NEGR1: variants seen among roughly 807,000 people sequenced by gnomAD.
NEGR1 encodes the protein IgLON family member 4.
A neutral mutation model predicts 40.9 loss-of-function variants in NEGR1; 10 were observed. That is an observed-to-expected ratio of 0.24 (90% CI 0.15 to 0.42). The LOEUF is 0.42. Among genes scored for constraint, NEGR1 ranks in the 10% least tolerant of loss-of-function variants. The pLI is 1.00. For missense variants in NEGR1, 352 were observed against 438.9 expected (o/e 0.80, Z 1.77); for synonymous variants, 185 against 166.8 (o/e 1.11, Z -0.84).
intron 6 of NEGR1, among the ~76,000 whole-genome samples, chr1:71,491,374 T>C (rs966610024): frequency 9.9e-5 from 15 of 151,962 alleles, no homozygotes; most frequent in Admixed American, 5.9e-4. Flanking sequence ...AAGGGACAAT[T>C]GTACTGAATG....
chr1:72,268,220 A>T (rs1421055343), intron 1 of NEGR1, among the ~76,000 whole-genome samples: 1 of 151,436 alleles, frequency 6.6e-6, no homozygotes. Context: ...GGAGGAAGGC[A>T]GCATAAGAAA....
At chr1:71,478,200 C>T (rs992226067) in intron 6 of NEGR1, among the ~76,000 whole-genome samples, 1 of 151,884 alleles carries the variant, frequency 6.6e-6, no homozygotes, top group Non-Finnish European at 1.5e-5. Flanking sequence ...ACATGTGTAT[C>T]GAATAAAAAT....
intron 6 of NEGR1, among the ~76,000 whole-genome samples, chr1:71,474,595 C>A (rs1418798452): frequency 6.6e-6 from 1 of 150,426 alleles, no homozygotes; most frequent in Non-Finnish European, 1.5e-5. Context: ...CCTATAATCC[C>A]AGCTACTTGG....
intron 1 of NEGR1, among the ~76,000 whole-genome samples, chr1:72,175,992 T>C (rs540017277): frequency 3.5e-4 from 53 of 152,136 alleles, no homozygotes; most frequent in Admixed American, 6.6e-4. Flanking sequence ...GTAAGATACT[T>C]TGCAAGCCTT....
intron 1 of NEGR1, among the ~76,000 whole-genome samples, chr1:72,007,566 GT>G (rs939526754): frequency 7.2e-5 from 11 of 152,086 alleles, no homozygotes; most frequent in African/African-American, 2.7e-4. Context: ...ATGGCCACTA[GT>G]TAAAAAACAC....
intron 2 of NEGR1, among the ~76,000 whole-genome samples, chr1:71,899,034 G>T (rs1244106649): frequency 2.1e-5 from 3 of 140,164 alleles, no homozygotes; most frequent in East Asian, 4.1e-4. Context: ...ATGTGTGTGT[G>T]TGCGTGTGTG....
intron 2 of NEGR1, among the ~76,000 whole-genome samples, chr1:71,886,457 G>C (rs649012): frequency 7.2e-6 from 1 of 139,152 alleles, no homozygotes; most frequent in African/African-American, 2.5e-5. Flanking sequence ...GTTTATGGGG[G>C]AAAAAAAAAA....
chr1:71,923,489 T>C (rs973681015), intron 2 of NEGR1, among the ~76,000 whole-genome samples: 2 of 152,158 alleles, frequency 1.3e-5, no homozygotes, highest in Non-Finnish European at 2.9e-5. Context: ...AGTGTGTATA[T>C]GTGTGAATGT....
At chr1:71,854,813 T>C (rs892551773) in intron 2 of NEGR1, among the ~76,000 whole-genome samples, 208 of 152,126 alleles carry the variant, frequency 1.4e-3, no homozygotes, top group Non-Finnish European at 8.5e-4. Flanking sequence ...AGCATGGGGG[T>C]AACCGTCCCC....
At chr1:71,512,072 TTTAA>T (rs1297844395) in intron 6 of NEGR1, among the ~76,000 whole-genome samples, 2 of 152,214 alleles carry the variant, frequency 1.3e-5, no homozygotes, top group Admixed American at 1.3e-4. Context: ...GAATATCTTG[TTTAA>T]TTAAAGTACT....
At chr1:72,205,204 G>T (rs1281639025) in intron 1 of NEGR1, among the ~76,000 whole-genome samples, 1 of 151,964 alleles carries the variant, frequency 6.6e-6, no homozygotes, top group African/African-American at 2.4e-5. Flanking sequence ...GGGTCAACTT[G>T]TAGTGACTAG....
At chr1:71,539,992 C>T (rs1480139080) in intron 6 of NEGR1, among the ~76,000 whole-genome samples, 4 of 151,640 alleles carry the variant, frequency 2.6e-5, no homozygotes, top group African/African-American at 4.8e-5. Flanking sequence ...TACAACCAAC[C>T]AAAATGTTTA....
At chr1:72,192,936 A>T (rs531964302) in intron 1 of NEGR1, among the ~76,000 whole-genome samples, 1 of 151,750 alleles carries the variant, frequency 6.6e-6, no homozygotes, top group South Asian at 2.1e-4. Flanking sequence ...TCTTTTTCTT[A>T]TTCAGTACAC....
intron 5 of NEGR1, among the ~76,000 whole-genome samples, chr1:71,607,302 A>C (rs1650102270): frequency 6.6e-6 from 1 of 152,238 alleles, no homozygotes; most frequent in Admixed American, 6.5e-5. Context: ...GTGTTTGTAC[A>C]TGCAGTTTCT....
chr1:72,107,002 C>A (rs750382310), intron 1 of NEGR1, among the ~76,000 whole-genome samples: 3 of 151,748 alleles, frequency 2.0e-5, no homozygotes, highest in Non-Finnish European at 4.4e-5. Context: ...TATATAACAT[C>A]TTTGAGAAAC....
intron 2 of NEGR1, among the ~76,000 whole-genome samples, chr1:71,900,772 T>G (rs531578966): frequency 1.3e-5 from 2 of 152,296 alleles, no homozygotes; most frequent in African/African-American, 2.4e-5. Flanking sequence ...ATGTACAAAA[T>G]TATTCCATGG....
intron 1 of NEGR1, among the ~76,000 whole-genome samples, chr1:72,072,661 G>A (rs1472667472): frequency 2.0e-5 from 3 of 152,206 alleles, no homozygotes; most frequent in Middle Eastern, 3.4e-3. Context: ...TGAAGGAACT[G>A]GATCTGGGCT....
At chr1:72,251,227 A>G (rs981180341) in intron 1 of NEGR1, among the ~76,000 whole-genome samples, 1 of 152,236 alleles carries the variant, frequency 6.6e-6, no homozygotes, top group Middle Eastern at 3.2e-3. Context: ...AAGATATCAT[A>G]TAATATAGTT....
intron 1 of NEGR1, among the ~76,000 whole-genome samples, chr1:72,259,870 T>C (rs964747266): frequency 5.3e-5 from 8 of 152,154 alleles, no homozygotes; most frequent in African/African-American, 1.4e-4. Flanking sequence ...CTTTTGTTAA[T>C]GCTCACCTTT....
Sources: gnomAD v4.1 joint callset for allele counts (sites outside exome capture counted in the v4.1 genomes callset) on GRCh38, gnomAD v4.1.1 for gene constraint, MANE v1.5 for transcripts, NCBI Gene and HGNC (gene_info 2026-07-23, HGNC 2026-07-21) for gene names.